Variants in RBM47 observed in about 807,000 individuals in gnomAD.
RBM47 encodes RNA binding motif protein 47.
In RBM47, 21 loss-of-function variants were observed where a neutral mutation model predicts 47.1. That is an observed-to-expected ratio of 0.45 (90% CI 0.32 to 0.64). The LOEUF is 0.64. Among genes scored for constraint, RBM47 ranks in the 30% least tolerant of loss-of-function variants. The pLI is 0.05. For synonymous variants in RBM47, 375 were observed against 361.7 expected, an observed-to-expected ratio of 1.04 and a Z score of -0.42; for missense variants, 708 against 870.9, an observed-to-expected ratio of 0.81 and a Z score of 2.35.
intron 2 of RBM47, among the ~76,000 whole-genome samples, chr4:40,483,333 C>T (rs1577752461): frequency 6.6e-6 from 1 of 152,074 alleles, no homozygotes; most frequent in African/African-American, 2.4e-5. Context: ...TTCTAGACCC[C>T]GAAGATTGGA....
intron 1 of RBM47, among the ~76,000 whole-genome samples, chr4:40,573,835 GAGAA>G (rs1553903570): frequency 2.9e-5 from 2 of 68,900 alleles, no homozygotes; most frequent in Non-Finnish European, 2.5e-5. Context: ...AAGAAAGAAA[GAGAA>G]AGAAAGAAAG....
intron 2 of RBM47, among the ~76,000 whole-genome samples, chr4:40,516,314 G>A (rs1182929919): frequency 6.9e-6 from 1 of 145,552 alleles, no homozygotes; most frequent in Non-Finnish European, 1.5e-5. Context: ...AGGCTGGAGT[G>A]CAGTGGCACA....
intron 1 of RBM47, among the ~76,000 whole-genome samples, chr4:40,626,873 G>A (rs1165450244): frequency 6.6e-6 from 1 of 152,098 alleles, no homozygotes; most frequent in Non-Finnish European, 1.5e-5. Flanking sequence ...CGCATAAGAT[G>A]GAAACAACAA....
At chr4:40,606,055 G>A (rs1436332833) in intron 1 of RBM47, among the ~76,000 whole-genome samples, 6 of 150,018 alleles carry the variant, frequency 4.0e-5, no homozygotes, top group Admixed American at 1.3e-4. Context: ...AAAAACAGCC[G>A]GGTGTGGTGG....
At chr4:40,436,840 CTTAGTACA>C in intron 4 of RBM47, 193 bp from the exon 5 acceptor site, 1 of 704,186 alleles carries the variant, frequency 1.4e-6, no homozygotes, top group Non-Finnish European at 2.6e-6. Flanking sequence ...AGCATGTCTT[CTTAGTACA>C]AGAGGCAAAC....
intron 1 of RBM47, among the ~76,000 whole-genome samples, chr4:40,576,258 G>T (rs747814693): frequency 0.028 from 1,999 of 70,942 alleles, 30 homozygotes; most frequent in Non-Finnish European, 0.043. Flanking sequence ...TTTTTTTTTG[G>T]GGGGGGGCGG....
chr4:40,548,473 G>A (rs906090047), intron 1 of RBM47, among the ~76,000 whole-genome samples: 1 of 152,198 alleles, frequency 6.6e-6, no homozygotes, highest in Non-Finnish European at 1.5e-5. Flanking sequence ...GGATCACTCT[G>A]ACCACAATGC....
chr4:40,486,806 T>G (rs1174062421), intron 2 of RBM47, among the ~76,000 whole-genome samples: 1 of 152,208 alleles, frequency 6.6e-6, no homozygotes, highest in African/African-American at 2.4e-5. Context: ...AGAGCACACA[T>G]CCTGTTTAAT....
chr4:40,540,881 T>G (rs907363706), intron 2 of RBM47, among the ~76,000 whole-genome samples: 16 of 151,942 alleles, frequency 1.1e-4, no homozygotes, highest in Non-Finnish European at 2.2e-4. Context: ...TCAAGCTTAT[T>G]GATATAAATC....
chr4:40,495,869 T>C (rs1722497844), intron 2 of RBM47, among the ~76,000 whole-genome samples: 1 of 152,106 alleles, frequency 6.6e-6, no homozygotes, highest in South Asian at 2.1e-4. Flanking sequence ...TAGTAGAAGC[T>C]AACAGAATAC....
At chr4:40,565,661 G>A (rs1731032144) in intron 1 of RBM47, among the ~76,000 whole-genome samples, 1 of 152,180 alleles carries the variant, frequency 6.6e-6, no homozygotes, top group African/African-American at 2.4e-5. Flanking sequence ...TATTCTCTGA[G>A]CCTTAGTTTC....
At chr4:40,575,056 T>C (rs1324113501) in intron 1 of RBM47, among the ~76,000 whole-genome samples, 2 of 152,148 alleles carry the variant, frequency 1.3e-5, no homozygotes, top group Non-Finnish European at 2.9e-5. Flanking sequence ...GAAGACATTT[T>C]TGGTGGTGGG....
intron 1 of RBM47, among the ~76,000 whole-genome samples, chr4:40,612,389 G>A (rs556867550): frequency 2.1e-4 from 32 of 152,320 alleles, no homozygotes; most frequent in Non-Finnish European, 3.5e-4. Context: ...GCACATGCTT[G>A]CAATCCCAGC....
chr4:40,438,027 G>C lies in RBM47; in HGVS notation c.867C>G (p.Thr289=), dbSNP rs773143969. Residue 289 remains threonine, a synonymous_variant, in exon 4 of 7, where the codon ACC becomes ACG. Coordinates refer to ENST00000295971, the MANE Select transcript of RBM47 (RefSeq NM_001098634.2). ...TGGCATGCACGGCATCCTCGCGGCTGGTGAAGTGCACGAAGGCGTAGTCGC... is the reference window on the plus strand; with the variant it reads ...TGGCATGCACGGCATCCTCGCGGCTCGTGAAGTGCACGAAGGCGTAGTCGC... ...KIRDYAFVHF[T]SREDAVHAMN... The C allele has an allele frequency of 6.2e-7, 1 of 1,613,672 alleles. No individual in the cohort carries two copies. The highest frequency in any genetic ancestry group is 8.5e-7 in the Non-Finnish European group (1 of 1,180,026).
At chr4:40,578,875 T>C (rs1379236399) in intron 1 of RBM47, among the ~76,000 whole-genome samples, 3 of 152,214 alleles carry the variant, frequency 2.0e-5, no homozygotes, top group African/African-American at 7.2e-5. Context: ...TCCAGCACTT[T>C]GGGAGGCCAG....
intron 2 of RBM47, among the ~76,000 whole-genome samples, chr4:40,471,649 G>A (rs545078297): frequency 4.2e-4 from 63 of 151,066 alleles, no homozygotes; most frequent in African/African-American, 1.3e-3. Context: ...AGCCGAGATC[G>A]TGCCAGGCAC....
chr4:40,465,034 T>C (rs982641772), intron 3 of RBM47, among the ~76,000 whole-genome samples: 2 of 151,992 alleles, frequency 1.3e-5, no homozygotes, highest in Admixed American at 6.6e-5. Flanking sequence ...AATTTCCAGA[T>C]TTCCTTCCAT....
intron 5 of RBM47, among the ~76,000 whole-genome samples, chr4:40,433,998 C>CGGGGGGGGG (rs138012744): frequency 9.5e-5 from 4 of 42,100 alleles, no homozygotes; most frequent in African/African-American, 1.9e-4. Context: ...GTGTGTGGGG[C>CGGGGGGGGG]GGGGGTGTGT....
chr4:40,587,609 A>G (rs1215482727), intron 1 of RBM47, among the ~76,000 whole-genome samples: 1 of 152,136 alleles, frequency 6.6e-6, no homozygotes, highest in Admixed American at 6.5e-5. Flanking sequence ...CATTGGAGGA[A>G]TGGGGTGGGG....
Sources: allele counts gnomAD v4.1 joint callset (sites outside exome capture counted in the v4.1 genomes callset), GRCh38; gene constraint gnomAD v4.1.1; transcripts MANE v1.5; gene names NCBI Gene and HGNC (gene_info 2026-07-23, HGNC 2026-07-21).